Variants in BACH2 observed in about 807,000 individuals in gnomAD.
The protein encoded by BACH2 is BACH transcriptional regulator 2.
In BACH2, 5 loss-of-function variants were observed where a neutral mutation model predicts 61.8. That is an observed-to-expected ratio of 0.08 (90% CI 0.04 to 0.17). The LOEUF is 0.17. BACH2 is among the 10% of genes least tolerant of loss of function. BACH2 has a pLI of 1.00. For synonymous variants in BACH2, 446 were observed against 440.1 expected, an observed-to-expected ratio of 1.01 and a Z score of -0.17; for missense variants, 824 against 1,091.1, an observed-to-expected ratio of 0.76 and a Z score of 3.45.
intron 7 of BACH2, 39 bp from the exon 8 acceptor site, chr6:89,938,389 G>A (rs374626666): frequency 6.4e-7 from 1 of 1,554,288 alleles, no homozygotes; most frequent in African/African-American, 1.4e-5. Flanking sequence ...ATGGCAGCTG[G>A]ATTTTAATTC....
intron 4 of BACH2, among the ~76,000 whole-genome samples, chr6:90,100,722 C>CAG (rs1222604498): frequency 3.6e-4 from 41 of 114,430 alleles, no homozygotes; most frequent in Admixed American, 7.6e-4. Context: ...CACACACACA[C>CAG]ACACAGACAC....
At chr6:90,285,257 G>C (rs1267004489) in intron 1 of BACH2, among the ~76,000 whole-genome samples, 1 of 152,072 alleles carries the variant, frequency 6.6e-6, no homozygotes, top group African/African-American at 2.4e-5. Context: ...TCAATAACAG[G>C]GAACGGATAT....
intron 6 of BACH2, among the ~76,000 whole-genome samples, chr6:89,987,545 T>C (rs191913504): frequency 1.9e-3 from 284 of 152,228 alleles, no homozygotes; most frequent in African/African-American, 6.6e-3. Context: ...CATGTAAAGA[T>C]GAGATTAGAT....
At chr6:90,186,463 T>TC (rs1346666943) in intron 4 of BACH2, among the ~76,000 whole-genome samples, 2 of 152,150 alleles carry the variant, frequency 1.3e-5, no homozygotes, top group African/African-American at 4.8e-5. Context: ...AGCTTTTTGT[T>TC]TTTTTAGTAC....
intron 4 of BACH2, among the ~76,000 whole-genome samples, chr6:90,113,865 C>T (rs1028541465): frequency 1.3e-5 from 2 of 151,864 alleles, no homozygotes; most frequent in African/African-American, 4.8e-5. Flanking sequence ...AGAAATAAAA[C>T]AACCATCAGA....
At chr6:90,103,027 A>ATTTTTTT (rs1163074235) in intron 4 of BACH2, among the ~76,000 whole-genome samples, 1 of 24,472 alleles carries the variant, frequency 4.1e-5, no homozygotes, top group African/African-American at 2.3e-4. Context: ...ATATATATAT[A>ATTTTTTT]TATTTTTTTT....
At chr6:90,167,772 G>A (rs557151400) in intron 4 of BACH2, among the ~76,000 whole-genome samples, 1 of 152,170 alleles carries the variant, frequency 6.6e-6, no homozygotes, top group African/African-American at 2.4e-5. Context: ...GATTGAGAAA[G>A]AGAAACATGC....
intron 5 of BACH2, among the ~76,000 whole-genome samples, chr6:90,067,669 G>C (rs1781028650): frequency 6.6e-6 from 1 of 152,144 alleles, no homozygotes; most frequent in Non-Finnish European, 1.5e-5. Context: ...AGACTGACTG[G>C]TTGACTCATT....
At chr6:90,048,986 T>C (rs1027061662) in intron 5 of BACH2, among the ~76,000 whole-genome samples, 1 of 152,190 alleles carries the variant, frequency 6.6e-6, no homozygotes, top group African/African-American at 2.4e-5. Flanking sequence ...TGTGTTAATG[T>C]AAGCAAAATG....
At chr6:90,151,577 C>T (rs1784813307) in intron 4 of BACH2, among the ~76,000 whole-genome samples, 1 of 152,170 alleles carries the variant, frequency 6.6e-6, no homozygotes, top group Non-Finnish European at 1.5e-5. Flanking sequence ...AGATATGAGC[C>T]ACCACATCTA....
At chr6:89,966,644 C>T (rs141747199) in intron 6 of BACH2, among the ~76,000 whole-genome samples, 1 of 152,298 alleles carries the variant, frequency 6.6e-6, no homozygotes, top group African/African-American at 2.4e-5. Context: ...TTATTCCTGT[C>T]TGTCAAGGGA....
intron 4 of BACH2, among the ~76,000 whole-genome samples, chr6:90,109,256 C>T (rs1345179887): frequency 6.6e-6 from 1 of 152,124 alleles, no homozygotes; most frequent in Non-Finnish European, 1.5e-5. Flanking sequence ...CTATTCTCAT[C>T]TTACAAGACT....
chr6:90,077,040 T>C (rs935087695), intron 5 of BACH2, among the ~76,000 whole-genome samples: 3 of 152,162 alleles, frequency 2.0e-5, no homozygotes, highest in African/African-American at 7.2e-5. Context: ...GCAAATACTT[T>C]ACACTATTCA....
intron 4 of BACH2, among the ~76,000 whole-genome samples, chr6:90,193,665 A>T (rs1196648594): frequency 1.3e-5 from 2 of 152,168 alleles, no homozygotes; most frequent in Non-Finnish European, 2.9e-5. Context: ...AAAGCACTTC[A>T]CTGATCAGAA....
intron 4 of BACH2, among the ~76,000 whole-genome samples, chr6:90,130,755 G>A (rs921689652): frequency 6.6e-6 from 1 of 152,240 alleles, no homozygotes; most frequent in African/African-American, 2.4e-5. Context: ...CAGATGCAGA[G>A]GCTTTGCTTA....
intron 5 of BACH2, among the ~76,000 whole-genome samples, chr6:90,069,429 C>T (rs770213493): frequency 2.6e-5 from 4 of 152,128 alleles, no homozygotes; most frequent in Non-Finnish European, 5.9e-5. Flanking sequence ...TTTAAAGGCA[C>T]GTATTTAGCA....
chr6:89,973,577 C>T (rs942149048), intron 6 of BACH2, among the ~76,000 whole-genome samples: 4 of 152,228 alleles, frequency 2.6e-5, no homozygotes, highest in Admixed American at 6.5e-5. Flanking sequence ...ACTCCCCCAC[C>T]TCAAGACCCT....
At chr6:90,128,016 T>C (rs1783928904) in intron 4 of BACH2, among the ~76,000 whole-genome samples, 2 of 152,052 alleles carry the variant, frequency 1.3e-5, no homozygotes, top group African/African-American at 2.4e-5. Context: ...AGCCTTCCCA[T>C]GCACTTTTCC....
chr6:90,099,384 GT>G (rs1418265674), intron 4 of BACH2, among the ~76,000 whole-genome samples: 1 of 139,616 alleles, frequency 7.2e-6, no homozygotes, highest in South Asian at 2.1e-4. Context: ...ATATGCTTTT[GT>G]TTTATTTTTT....
Sources: allele counts gnomAD v4.1 joint callset (sites outside exome capture counted in the v4.1 genomes callset), GRCh38; gene constraint gnomAD v4.1.1; transcripts MANE v1.5; gene names NCBI Gene and HGNC (gene_info 2026-07-23, HGNC 2026-07-21).